Variants in TWIST1 observed in about 807,000 individuals in gnomAD.
TWIST1 encodes twist-related protein 1.
In TWIST1, 8 loss-of-function variants were observed where a neutral mutation model predicts 12.9. The ratio of observed to expected loss-of-function variants is 0.62; its 90% confidence interval spans 0.37 to 1.12. TWIST1 has a LOEUF of 1.12. TWIST1 is among the 50% of genes most tolerant of loss of function. The pLI is 0.02. For missense variants in TWIST1, 268 were observed against 299.7 expected (o/e 0.89, Z 0.78); for synonymous variants, 169 against 138.7 (o/e 1.22, Z -1.54).
At chr7:19,113,220 C>T (rs1181667645), downstream of TWIST1, 1 of 152,140 alleles carries the variant, frequency 6.6e-6, no homozygotes, top group Non-Finnish European at 1.5e-5. Context: ...ATCTGACCAA[C>T]TTATAAATAA....
At position 19,116,788 on chromosome 7, in the gene TWIST1, C is replaced by G. The variant is rs758354732; in HGVS notation, c.534G>C (p.Val178=). Residue 178 remains valine (V), a synonymous_variant, in exon 1 of 2, where the codon GTG becomes GTC. Transcript: ENST00000242261. ...LDSKMASCSY[V]AHERLSYAFS... ...AGGCGTAGCTGAGCCGCTCGTGAGC[C>G]ACATAGCTGCAGCTTGCCATCTTGG... 4 of 1,614,030 alleles carry G rather than the reference C, an allele frequency of 2.5e-6. No homozygotes were observed. Among genetic ancestry groups the G allele is most frequent in the Non-Finnish European group, 3.4e-6 (4 of 1,179,952 alleles).
At position 19,117,385 on chromosome 7, in the gene TWIST1, C is replaced by A. The variant is rs1244732470; in HGVS notation, c.-64G>T. The stretch of plus-strand genomic sequence containing the variant: ...AGAGGAGAAGAGCGGGGCGCCTCAG[C>A]CCGCCAGCTTCCCCCGCGCGCGGCG... On this transcript the variant is annotated 5_prime_UTR_variant, in exon 1 of 2. Coordinates refer to ENST00000242261, the MANE Select transcript of TWIST1 (RefSeq NM_000474.4). The A allele has an allele frequency of 7.5e-7, 1 of 1,340,588 alleles. No individual in the cohort carries two copies. Among genetic ancestry groups the A allele is most frequent in the Non-Finnish European group, 9.6e-7 (1 of 1,040,804 alleles). The allele number at this position is 1,340,588 out of a possible 1,614,324, so 83.0% of individuals were successfully genotyped here. A position where few individuals can be genotyped will look rare whatever the true frequency, so the allele number is the denominator to read the frequency against.
At chr7:19,114,884 T>A (rs1373024730), downstream of TWIST1, among the ~76,000 whole-genome samples, 1 of 152,210 alleles carries the variant, frequency 6.6e-6, no homozygotes, top group East Asian at 1.9e-4. Flanking sequence ...ATATATTAAC[T>A]TTTCTTTTTA....
rs1282685639 is a variant in TWIST1 at position 19,115,746 on chromosome 7, T to G, written c.*428A>C. ...GGTGTTCTTATAGTTCCTCTGATTG[T>G]TACCATTTTAAAATAGAGAAAGTCC... On this transcript the variant is annotated 3_prime_UTR_variant, in exon 2 of 2. Transcript: ENST00000242261. 6.6e-6 allele frequency: 1 copy of G among 152,166 alleles called. No homozygotes were observed. The highest frequency in any genetic ancestry group is 1.9e-4 in the East Asian group (1 of 5,196). The allele number at this position is 152,166 out of a possible 1,614,324, so 9.4% of individuals were successfully genotyped here. A position where few individuals can be genotyped will look rare whatever the true frequency, so the allele number is the denominator to read the frequency against.
Position 19,115,829 on chromosome 7 carries a change from T to C in TWIST1, c.*345A>G, listed in dbSNP as rs1175417612. 1 of 118,218 alleles carries C rather than the reference T, an allele frequency of 8.5e-6. No individual in the cohort carries two copies. Among genetic ancestry groups the C allele is most frequent in the Non-Finnish European group, 1.7e-5 (1 of 58,416 alleles). 7.3% of individuals were successfully genotyped at this position (118,218 alleles called of 1,614,324 possible). On this transcript the variant is annotated 3_prime_UTR_variant, in exon 2 of 2. Transcript: ENST00000242261. ...GCACGACCTCTTGAGAATGCATGCATGAAAAAAATAAAAATAAAAACATTC... is the reference window on the plus strand; with the variant it reads ...GCACGACCTCTTGAGAATGCATGCACGAAAAAAATAAAAATAAAAACATTC...
chr7:19,117,269 C>G lies in TWIST1; in HGVS notation c.53G>C (p.Ser18Thr), dbSNP rs761167660. 2 of 1,473,606 alleles carry G rather than the reference C, an allele frequency of 1.4e-6. No homozygotes were observed. The highest frequency in any genetic ancestry group is 2.2e-5 in the Admixed American group (1 of 44,668). The allele number at this position is 1,473,606 out of a possible 1,614,324, so 91.3% of individuals were successfully genotyped here. A position where few individuals can be genotyped will look rare whatever the true frequency, so the allele number is the denominator to read the frequency against. Residue 18 changes from serine to threonine, a missense_variant, in exon 1 of 2, where the codon AGC becomes ACC. This residue lies in a region of TWIST1 where 189 missense variants were observed against 172.1 expected (regional missense o/e 1.10). Coordinates refer to ENST00000242261, the MANE Select transcript of TWIST1 (RefSeq NM_000474.4). ...CCGGTCTGGCTCTTCCTCGCTGTTG[C>G]TCAGGCTGTCGTCGGCCGGCGAGAC... Reference protein sequence around the residue: ...SPVSPADDSLSNSEEEPDRQQ... With the variant: ...SPVSPADDSLTNSEEEPDRQQ...
Position 19,117,424 on chromosome 7 carries a change from T to C in TWIST1, c.-103A>G. 3.3e-6 allele frequency: 4 copies of C among 1,202,108 alleles called. No individual in the cohort carries two copies. Among genetic ancestry groups the C allele is most frequent in the Non-Finnish European group, 3.1e-6 (3 of 965,172 alleles). The allele number at this position is 1,202,108 out of a possible 1,614,324, so 74.5% of individuals were successfully genotyped here. ...CCGCGCGCGGCGCCGGCCCGGGCGA[T>C]GCGGCCCGCGGAGGAGAGAGCAGGA... On this transcript the variant is annotated 5_prime_UTR_variant, in exon 1 of 2. Transcript: ENST00000242261.
In TWIST1 at chr7:19,117,042, TGCTGCCGCCGCCGCCGCCCGCGCCGCC is replaced by T. The variant is rs770113869; in HGVS notation, c.253_279del (p.Gly85_Ser93del). 12 of 1,453,888 alleles carry T rather than the reference TGCTGCCGCCGCCGCCGCCCGCGCCGCC, an allele frequency of 8.3e-6. No homozygotes were observed. Among genetic ancestry groups the T allele is most frequent in the Admixed American group, 5.7e-5 (2 of 35,046 alleles). The allele number at this position is 1,453,888 out of a possible 1,614,324, so 90.1% of individuals were successfully genotyped here. On this transcript the variant is annotated inframe_deletion, in exon 1 of 2. Transcript: ENST00000242261. ...GACTGCGGACTCCCGCCGCCGCTGC[TGCTGCCGCCGCCGCCGCCCGCGCCGCC>T]GCCGCCGCCACAGCCCGCAGACTTC... is the stretch of plus-strand genomic sequence containing the variant.
At chr7:19,116,542 C>A in intron 1 of TWIST1, 129 bp downstream of exon 1, 1 of 810,770 alleles carries the variant, frequency 1.2e-6, no homozygotes, top group South Asian at 1.7e-5. Context: ...GCAACGGTGC[C>A]AAGTGAGGTG....
chr7:19,114,982 A>G (rs529852661), downstream of TWIST1, among the ~76,000 whole-genome samples: 1 of 152,280 alleles, frequency 6.6e-6, no homozygotes, highest in South Asian at 2.1e-4. Context: ...GCTGATTTAC[A>G]CTTTATTTTC....
At chr7:19,116,512 G>A (rs1053791756) in intron 1 of TWIST1, among the ~76,000 whole-genome samples, 159 bp downstream of exon 1, 3 of 152,136 alleles carry the variant, frequency 2.0e-5, no homozygotes, top group Admixed American at 6.5e-5. Context: ...CCGGCCTTCC[G>A]GGGACGCTGG....
rs1352606643 is a variant in TWIST1, at chr7:19,117,135, C to T, written c.187G>A (p.Gly63Ser). 3 of 1,096,916 alleles carry T rather than the reference C, an allele frequency of 2.7e-6. No individual in the cohort carries two copies. The highest frequency in any genetic ancestry group is 1.7e-5 in the African/African-American group (1 of 59,632). 67.9% of individuals were successfully genotyped at this position (1,096,916 alleles called of 1,614,324 possible). ...GGAAGGGVGG[G>S]DEPGSPAQGK... ...TGGGCCGGGCTGCCCGGCTCGTCGC[C>T]GCCTCCGACGCCCCCACCCGCGGCT... The change falls in exon 1 of 2, where the codon GGC (glycine) becomes AGC (serine). Residue 63 changes from glycine (G) to serine (S), a missense_variant. This residue lies in a region of TWIST1 where 189 missense variants were observed against 172.1 expected (regional missense o/e 1.10). Transcript: ENST00000242261.
chr7:19,117,603 C>T lies in TWIST1; in HGVS notation c.-282G>A. The T allele has an allele frequency of 1.8e-6, 2 of 1,085,648 alleles. No homozygotes were observed. The highest frequency in any genetic ancestry group is 3.8e-5 in the South Asian group (1 of 26,494). 67.3% of individuals were successfully genotyped at this position (1,085,648 alleles called of 1,614,324 possible). A position where few individuals can be genotyped will look rare whatever the true frequency, so the allele number is the denominator to read the frequency against. On this transcript the variant is annotated 5_prime_UTR_variant, in exon 1 of 2. Transcript: ENST00000242261. The stretch of plus-strand genomic sequence containing the variant: ...CCGCCAGGCCTCCTGGAAACGGTGC[C>T]GGTGCTGCAGAGCCCGCGAGGTGTC...
intron 1 of TWIST1, 58 bp downstream of exon 1, chr7:19,116,613 T>A (rs1788571886): frequency 1.4e-6 from 2 of 1,381,582 alleles, no homozygotes; most frequent in Non-Finnish European, 2.0e-6. Context: ...AACCGCGGCC[T>A]GGCCGGCCTG....
rs1585617015 is a variant in TWIST1 at position 19,116,925 on chromosome 7, T to G, written c.397A>C (p.Lys133Gln). The change falls in exon 1 of 2, where the codon AAG becomes CAG. Residue 133 changes from lysine (K) to glutamine (Q), a missense_variant. By Grantham distance (53) the Lys-to-Gln change is moderately conservative. This residue lies in a region of TWIST1 where 79 missense variants were observed against 127.6 expected (regional missense o/e 0.62). Transcript: ENST00000242261. Reference protein sequence around the residue: ...SLNEAFAALRKIIPTLPSDKL... With the variant: ...SLNEAFAALRQIIPTLPSDKL... ...TCCGAGGGCAGCGTGGGGATGATCT[T>G]CCGCAGCGCGGCGAACGCCTCGTTC... 1 of 1,614,010 alleles carries G rather than the reference T, an allele frequency of 6.2e-7. No homozygotes were observed. Among genetic ancestry groups the G allele is most frequent in the African/African-American group, 1.3e-5 (1 of 75,042 alleles).
At position 19,117,305 on chromosome 7, in the gene TWIST1, G is replaced by A; in HGVS notation, c.17C>T (p.Ser6Phe). The change falls in exon 1 of 2, where the codon TCC (serine) becomes TTC (phenylalanine). Residue 6 changes from serine to phenylalanine, a missense_variant. By Grantham distance (155) the Ser-to-Phe change is radical. Coordinates refer to ENST00000242261, the MANE Select transcript of TWIST1 (RefSeq NM_000474.4). Reference sequence around the variant, plus strand: ...GTCGGCCGGCGAGACTGGCGAGCTGGACACGTCCTGCATCATCTCTCGAGC... The same window carrying A: ...GTCGGCCGGCGAGACTGGCGAGCTGAACACGTCCTGCATCATCTCTCGAGC... The part of the protein sequence containing the change: MMQDV[S>F]SSPVSPADDS... 1 of 1,475,944 alleles carries A rather than the reference G, an allele frequency of 6.8e-7. No individual in the cohort carries two copies. The highest frequency in any genetic ancestry group is 9.0e-7 in the Non-Finnish European group (1 of 1,116,894). 91.4% of individuals were successfully genotyped at this position (1,475,944 alleles called of 1,614,324 possible). A position where few individuals can be genotyped will look rare whatever the true frequency, so the allele number is the denominator to read the frequency against.
rs771484889 is a variant in TWIST1 at position 19,117,036 on chromosome 7, C to CGCT, written c.283_285dup (p.Ser95dup). The CGCT allele has an allele frequency of 1.5e-4, 218 of 1,477,342 alleles. No homozygotes were observed. Among genetic ancestry groups the CGCT allele is most frequent in the South Asian group, 4.1e-4 (30 of 72,290 alleles). The allele number at this position is 1,477,342 out of a possible 1,614,324, so 91.5% of individuals were successfully genotyped here. ...TCGTAAGACTGCGGACTCCCGCCGC[C>CGCT]GCTGCTGCTGCCGCCGCCGCCGCCC... On this transcript the variant is annotated inframe_insertion, in exon 1 of 2. Coordinates refer to ENST00000242261, the MANE Select transcript of TWIST1 (RefSeq NM_000474.4).
In TWIST1 at chr7:19,116,841, G is replaced by C. The variant is rs1372603694; in HGVS notation, c.481C>G (p.Gln161Glu). 1.9e-6 allele frequency: 3 copies of C among 1,614,072 alleles called. No homozygotes were observed. The African/African-American group carries it at 4.0e-5, about 22-fold the overall frequency. Reference sequence around the variant, plus strand: ...TCCAGCTCGTCGCTCTGGAGGACCTGGTAGAGGAAGTCGATGTACCTGGCC... The same window carrying C: ...TCCAGCTCGTCGCTCTGGAGGACCTCGTAGAGGAAGTCGATGTACCTGGCC... ...LAARYIDFLY[Q>E]VLQSDELDSK... Residue 161 changes from glutamine to glutamate, a missense_variant, in exon 1 of 2, where the codon CAG (glutamine) becomes GAG (glutamate). Coordinates refer to ENST00000242261, the MANE Select transcript of TWIST1 (RefSeq NM_000474.4).
Position 19,117,055 on chromosome 7 carries a change from G to T in TWIST1, c.267C>A (p.Gly89=). Residue 89 remains glycine, a synonymous_variant, in exon 1 of 2, where the codon GGC becomes GGA. Coordinates refer to ENST00000242261, the MANE Select transcript of TWIST1 (RefSeq NM_000474.4). ...CGCCGCCGCTGCTGCTGCCGCCGCC[G>T]CCGCCCGCGCCGCCGCCGCCGCCAC... ...AGCGGGGGAG[G]GGGSSSGGGS... The T allele has an allele frequency of 7.1e-7, 1 of 1,405,818 alleles. No homozygotes were observed. The highest frequency in any genetic ancestry group is 9.2e-7 in the Non-Finnish European group (1 of 1,090,146). 87.1% of individuals were successfully genotyped at this position (1,405,818 alleles called of 1,614,324 possible). A position where few individuals can be genotyped will look rare whatever the true frequency, so the allele number is the denominator to read the frequency against.
Sources: gnomAD v4.1 joint callset for allele counts (sites outside exome capture counted in the v4.1 genomes callset) on GRCh38, gnomAD v4.1.1 for gene constraint, gnomAD v4.1.1 regional missense constraint, MANE v1.5 for transcripts, NCBI Gene and HGNC (gene_info 2026-07-23, HGNC 2026-07-21) for gene names.